Variants in MAF observed in about 807,000 individuals in gnomAD.
MAF encodes the protein transcription factor Maf.
MAF carries 10 observed loss-of-function variants against 22.0 expected under a neutral mutation model. That is an observed-to-expected ratio of 0.45 (90% CI 0.28 to 0.77). The LOEUF (loss-of-function observed/expected upper bound fraction) is 0.77. MAF is among the 30% of genes least tolerant of loss of function. MAF has a pLI of 0.12. For missense variants in MAF, 544 were observed against 548.4 expected (o/e 0.99, Z 0.08); for synonymous variants, 337 against 255.8 (o/e 1.32, Z -3.03).
At chr16:79,344,823 T>C in the MAF span, among the ~76,000 whole-genome samples, 2 of 152,200 alleles carry the variant, frequency 1.3e-5, no homozygotes, top group African/African-American at 4.8e-5. Flanking sequence ...GTAGAAATCA[T>C]TGTCAAGAAC....
the MAF span, among the ~76,000 whole-genome samples, chr16:79,319,249 C>T: frequency 4.6e-5 from 7 of 152,216 alleles, no homozygotes; most frequent in Middle Eastern, 3.4e-3. Flanking sequence ...TTACTAAGCC[C>T]TCGAGAAAGA....
the MAF span, among the ~76,000 whole-genome samples, chr16:79,475,721 T>G: frequency 6.6e-6 from 1 of 152,176 alleles, no homozygotes; most frequent in African/African-American, 2.4e-5. Context: ...CCTTAAAATC[T>G]GTAAAAATGA....
the MAF span, among the ~76,000 whole-genome samples, chr16:79,429,624 C>T: frequency 1.3e-5 from 2 of 152,152 alleles, no homozygotes; most frequent in Non-Finnish European, 2.9e-5. Context: ...AAGTTGAGCT[C>T]CTTGTCCCTG....
At chr16:79,410,483 A>G in the MAF span, among the ~76,000 whole-genome samples, 2 of 152,230 alleles carry the variant, frequency 1.3e-5, no homozygotes, top group African/African-American at 4.8e-5. Flanking sequence ...CAATTCACCT[A>G]TGTGGTCCAC....
the MAF span, among the ~76,000 whole-genome samples, chr16:79,374,865 T>A: frequency 2.6e-5 from 4 of 152,238 alleles, no homozygotes; most frequent in Non-Finnish European, 4.4e-5. Flanking sequence ...AGACAAGATA[T>A]GTTAGACAGT....
At chr16:79,222,930 A>G in the MAF span, among the ~76,000 whole-genome samples, 1 of 152,216 alleles carries the variant, frequency 6.6e-6, no homozygotes, top group Non-Finnish European at 1.5e-5. Flanking sequence ...GGAGACTTCA[A>G]CACTCCACTG....
At chr16:79,313,626 T>C in the MAF span, among the ~76,000 whole-genome samples, 1 of 152,088 alleles carries the variant, frequency 6.6e-6, no homozygotes, top group Non-Finnish European at 1.5e-5. Flanking sequence ...CAATCTTCAG[T>C]TTTTGTTGTT....
the MAF span, among the ~76,000 whole-genome samples, chr16:79,358,656 G>T: frequency 6.6e-6 from 1 of 152,220 alleles, no homozygotes; most frequent in Non-Finnish European, 1.5e-5. Context: ...GTAGGTGAGG[G>T]CTTTACAGAT....
At position 79,598,833 on chromosome 16, in the gene MAF, C is replaced by A. The variant is rs761533991; in HGVS notation, c.1070G>T (p.Arg357Leu). 2.5e-6 allele frequency: 4 copies of A among 1,613,828 alleles called. No homozygotes were observed. Among genetic ancestry groups the A allele is most frequent in the Non-Finnish European group, 3.4e-6 (4 of 1,179,996 alleles). ...GTTGTCGCTGCTCGAGCCGTTTTCT[C>A]GGAAGCCGCTGCTCACCAACTTCTC... is the stretch of plus-strand genomic sequence containing the variant. ...KYEKLVSSGF[R>L]ENGSSSDNPS... Residue 357 changes from arginine (R) to leucine (L), a missense_variant, in exon 1 of 2, where the codon CGA becomes CTA. Arg to Leu is a moderately radical substitution (Grantham distance 102). Transcript: ENST00000326043.
At chr16:79,281,635 G>C in the MAF span, among the ~76,000 whole-genome samples, 36 of 139,900 alleles carry the variant, frequency 2.6e-4, no homozygotes, top group Admixed American at 1.6e-4. Context: ...TGCAACCTCC[G>C]CCTCCCAGGT....
At chr16:79,518,549 C>T in the MAF span, among the ~76,000 whole-genome samples, 1 of 152,236 alleles carries the variant, frequency 6.6e-6, no homozygotes, top group South Asian at 2.1e-4. Flanking sequence ...CTAGCACCAA[C>T]TGTGACCAGC....
chr16:79,507,189 C>A, the MAF span, among the ~76,000 whole-genome samples: 1 of 150,606 alleles, frequency 6.6e-6, no homozygotes, highest in Non-Finnish European at 1.5e-5. Context: ...TCTCGGCCCA[C>A]TGCAAGCTCT....
chr16:79,457,110 T>C, the MAF span, among the ~76,000 whole-genome samples: 1 of 152,144 alleles, frequency 6.6e-6, no homozygotes, highest in Non-Finnish European at 1.5e-5. Flanking sequence ...AAGTGTTGAT[T>C]TGTCTTCCTC....
chr16:79,387,479 G>A, the MAF span, among the ~76,000 whole-genome samples: 1 of 152,152 alleles, frequency 6.6e-6, no homozygotes, highest in South Asian at 2.1e-4. Context: ...AGTTATTAGT[G>A]TCATCTTGGT....
the MAF span, among the ~76,000 whole-genome samples, chr16:79,333,558 G>A: frequency 6.6e-6 from 1 of 152,148 alleles, no homozygotes; most frequent in Non-Finnish European, 1.5e-5. Context: ...GATTTTGCTA[G>A]GTGGACAAAA....
At chr16:79,410,605 G>A in the MAF span, among the ~76,000 whole-genome samples, 2 of 152,346 alleles carry the variant, frequency 1.3e-5, no homozygotes, top group South Asian at 4.1e-4. Context: ...ACATTCTGTT[G>A]AGAAGGTCAA....
rs1184450398 is a variant in MAF, at chr16:79,599,316, G to A, written c.587C>T (p.Thr196Met). The A allele has an allele frequency of 1.2e-5, 12 of 984,180 alleles. No homozygotes were observed. Among genetic ancestry groups the A allele is most frequent in the Admixed American group, 1.3e-4 (2 of 15,924 alleles). The allele number at this position is 984,180 out of a possible 1,614,324, so 61.0% of individuals were successfully genotyped here. The change falls in exon 1 of 2, where the codon ACG (threonine) becomes ATG (methionine). Residue 196 changes from threonine (T) to methionine (M), a missense_variant. Thr to Met is a moderately conservative substitution (Grantham distance 81). This residue lies in a region of MAF where 342 missense variants were observed against 315.5 expected (regional missense o/e 1.08). Coordinates refer to ENST00000326043, the MANE Select transcript of MAF (RefSeq NM_005360.5). ...HHAAGHHHHP[T>M]AGAPGAAGSA... ...GCCCGCGGCGCCGGGCGCGCCGGCCGTCGGGTGGTGGTGGTGGCCGGCGGC... is the reference window on the plus strand; with the variant it reads ...GCCCGCGGCGCCGGGCGCGCCGGCCATCGGGTGGTGGTGGTGGCCGGCGGC...
the MAF span, among the ~76,000 whole-genome samples, chr16:79,231,218 G>A: frequency 1.3e-5 from 2 of 152,008 alleles, no homozygotes; most frequent in African/African-American, 4.8e-5. Context: ...TTATGGGACA[G>A]GATATCTCAA....
chr16:79,277,001 CTGTGTGCCTG>C, the MAF span, among the ~76,000 whole-genome samples: 1 of 152,116 alleles, frequency 6.6e-6, no homozygotes, highest in South Asian at 2.1e-4. Flanking sequence ...GTTTTCTCTT[CTGTGTGCCTG>C]TGTATCTAAA....
Sources: gnomAD v4.1 joint callset for allele counts (sites outside exome capture counted in the v4.1 genomes callset) on GRCh38, gnomAD v4.1.1 for gene constraint, gnomAD v4.1.1 regional missense constraint, MANE v1.5 for transcripts, NCBI Gene and HGNC (gene_info 2026-07-23, HGNC 2026-07-21) for gene names.